Variants in PCBD2 observed in about 807,000 individuals in gnomAD.
The protein encoded by PCBD2 is pterin-4 alpha-carbinolamine dehydratase 2, also known as pterin-4-alpha-carbinolamine dehydratase 2.
Under a neutral mutation model 16.4 loss-of-function variants are expected in PCBD2, and 12 were observed. The ratio of observed to expected loss-of-function variants is 0.73; its 90% CI spans 0.47 to 1.19. The LOEUF (loss-of-function observed/expected upper bound fraction) is 1.19, where lower values mean the gene tolerates loss of function less well. Among genes scored for constraint, PCBD2 ranks in the 50% most tolerant of loss-of-function variants. PCBD2 has a pLI of 0.00. For missense variants in PCBD2, 138 were observed against 156.8 expected, an observed-to-expected ratio of 0.88 and a Z score of 0.64; for synonymous variants, 58 against 61.8, an observed-to-expected ratio of 0.94 and a Z score of 0.29.
rs749582692 is a variant in PCBD2 at position 134,960,693 on chromosome 5, A to G, written c.*12A>G. 2 of 1,579,900 alleles carry G rather than the reference A, an allele frequency of 1.3e-6. No homozygotes were observed. Among genetic ancestry groups the G allele is most frequent in the Non-Finnish European group, 1.7e-6 (2 of 1,150,130 alleles). ...CTGCTTCTGTGTGATTTCTTCCAAA[A>G]TACATGTAAAATCTTGTACACATCT... On this transcript the variant is annotated 3_prime_UTR_variant, in exon 4 of 4. Coordinates refer to ENST00000254908, the MANE Select transcript of PCBD2 (RefSeq NM_032151.5).
intron 2 of PCBD2, among the ~76,000 whole-genome samples, chr5:134,929,903 T>A (rs910727473): frequency 1.3e-5 from 2 of 152,164 alleles, no homozygotes; most frequent in Non-Finnish European, 2.9e-5. Flanking sequence ...CTATGTTGCC[T>A]AAGTTGGTCT....
intron 2 of PCBD2, among the ~76,000 whole-genome samples, chr5:134,919,108 A>G (rs1750870101): frequency 1.3e-5 from 2 of 152,218 alleles, no homozygotes; most frequent in Non-Finnish European, 2.9e-5. Flanking sequence ...GCTCTTAGTC[A>G]TGTAGTAAAT....
chr5:134,926,650 T>C (rs1751002098), intron 2 of PCBD2: 3 of 396,832 alleles, frequency 7.6e-6, no homozygotes, highest in Admixed American at 4.4e-5. Context: ...TTGGTTAAAC[T>C]ATATTTACAG....
chr5:134,943,619 C>T (rs773993801), intron 2 of PCBD2, among the ~76,000 whole-genome samples: 2 of 152,174 alleles, frequency 1.3e-5, no homozygotes, highest in Non-Finnish European at 2.9e-5. Flanking sequence ...ACAGAAATGT[C>T]ACTACTTGCT....
At chr5:134,947,965 A>G (rs930241456) in intron 2 of PCBD2, among the ~76,000 whole-genome samples, 6 of 151,836 alleles carry the variant, frequency 4.0e-5, no homozygotes, top group Non-Finnish European at 8.8e-5. Flanking sequence ...AGGGAAGAAA[A>G]CCTCCAACAG....
intron 2 of PCBD2, among the ~76,000 whole-genome samples, chr5:134,954,060 G>A (rs922842198): frequency 3.0e-4 from 45 of 152,086 alleles, no homozygotes; most frequent in African/African-American, 7.7e-4. Context: ...TGGGCTCGAC[G>A]GATCCCCCAA....
At chr5:134,933,954 A>G (rs974054758) in intron 2 of PCBD2, among the ~76,000 whole-genome samples, 1 of 152,224 alleles carries the variant, frequency 6.6e-6, no homozygotes, top group African/African-American at 2.4e-5. Flanking sequence ...AAATATTTTC[A>G]CAGAAATATT....
intron 2 of PCBD2, among the ~76,000 whole-genome samples, chr5:134,912,014 G>A (rs1276085180): frequency 1.3e-5 from 2 of 152,192 alleles, no homozygotes; most frequent in African/African-American, 2.4e-5. Context: ...TAAAGTACTC[G>A]AATGGTGTTG....
chr5:134,960,726 A>G lies in PCBD2; in HGVS notation c.*45A>G, dbSNP rs771856207. ...AAAATCTTGTACACATCTTAGCTGC[A>G]ATGTATGTTGAAGGAAATTTATGTG... On this transcript the variant is annotated 3_prime_UTR_variant, in exon 4 of 4. Coordinates refer to ENST00000254908, the MANE Select transcript of PCBD2 (RefSeq NM_032151.5). 35 of 1,431,166 alleles carry G rather than the reference A, an allele frequency of 2.4e-5. No homozygotes were observed. Among genetic ancestry groups the G allele is most frequent in the Non-Finnish European group, 3.1e-5 (32 of 1,020,840 alleles). 88.7% of individuals were successfully genotyped at this position (1,431,166 alleles called of 1,614,324 possible).
At position 134,914,395 on chromosome 5, in the gene PCBD2, C is replaced by G. The variant is rs551918105; in HGVS notation, c.216+3929C>G. On this transcript the variant is annotated intron_variant, in intron 2 of 3. Transcript: ENST00000254908. ...AAACGTGGCTGGTTGCTAAGCAGTT[C>G]TCAGTGTCACTACAGATTTGGGGTC... Among the ~76,000 whole-genome samples the G allele has an allele frequency of 1.8e-4, 28 of 152,198 alleles. No homozygotes were observed. In the South Asian group the frequency reaches 5.6e-3, roughly 30 times the overall value.
chr5:134,920,279 G>C (rs900066857), intron 2 of PCBD2, among the ~76,000 whole-genome samples: 12 of 152,180 alleles, frequency 7.9e-5, no homozygotes, highest in African/African-American at 2.9e-4. Flanking sequence ...GGAATTACTT[G>C]TGGTCATACT....
At chr5:134,915,175 C>T (rs1370071384) in intron 2 of PCBD2, among the ~76,000 whole-genome samples, 3 of 151,712 alleles carry the variant, frequency 2.0e-5, no homozygotes, top group South Asian at 2.1e-4. Flanking sequence ...ATTAACCAGG[C>T]GTGGTGGCGT....
In PCBD2 at chr5:134,910,464, C is replaced by T. The variant is rs990066027; in HGVS notation, c.214C>T (p.Gln72Ter). The change falls in exon 2 of 4, where the codon CAG (glutamine) becomes TAG (stop). Residue 72 changes from glutamine (Q) to a stop codon, truncating the protein, a stop_gained and splice_region_variant. Coordinates refer to ENST00000254908, the MANE Select transcript of PCBD2 (RefSeq NM_032151.5). LOFTEE classifies it high-confidence loss of function. Reference protein sequence around the residue: ...YKEFSFHNFNQAFGFMSRVAL... With the variant: ...YKEFSFHNFN Reference sequence around the variant, plus strand: ...AGAATTCTCCTTCCACAATTTTAATCAGGTAATTGTTATAAATTCTTGCTA... The same window carrying T: ...AGAATTCTCCTTCCACAATTTTAATTAGGTAATTGTTATAAATTCTTGCTA... The T allele has an allele frequency of 1.2e-6, 2 of 1,613,988 alleles. No individual in the cohort carries two copies. The highest frequency in any genetic ancestry group is 1.7e-6 in the Non-Finnish European group (2 of 1,179,860).
At chr5:134,932,157 T>G (rs1435801677) in intron 2 of PCBD2, among the ~76,000 whole-genome samples, 2 of 152,200 alleles carry the variant, frequency 1.3e-5, no homozygotes, top group Non-Finnish European at 2.9e-5. Context: ...AATTCTGAGT[T>G]TCTTTAAACA....
In PCBD2 at chr5:134,962,440, A is replaced by G. The variant is rs1751489231; in HGVS notation, c.*1759A>G. On this transcript the variant is annotated 3_prime_UTR_variant, in exon 4 of 4. Transcript: ENST00000254908. ...TATTTATTTTTAATAATTATACAAG[A>G]TGGAGTCTCACTATGTTGCCCAGGC... Among the ~76,000 whole-genome samples, 1 of 151,578 alleles carries G rather than the reference A, an allele frequency of 6.6e-6. No individual in the cohort carries two copies. Among genetic ancestry groups the G allele is most frequent in the African/African-American group, 2.4e-5 (1 of 41,240 alleles).
intron 2 of PCBD2, among the ~76,000 whole-genome samples, chr5:134,942,670 A>T (rs192608064): frequency 1.1e-4 from 17 of 152,310 alleles, no homozygotes; most frequent in African/African-American, 4.1e-4. Flanking sequence ...GTAATCAGAG[A>T]TATCCTGTTC....
At chr5:134,936,116 T>A (rs1751156314) in intron 2 of PCBD2, among the ~76,000 whole-genome samples, 1 of 152,252 alleles carries the variant, frequency 6.6e-6, no homozygotes, top group Non-Finnish European at 1.5e-5. Flanking sequence ...GAAAATACCA[T>A]TAATAACTGA....
At chr5:134,937,797 T>G (rs186742333) in intron 2 of PCBD2, among the ~76,000 whole-genome samples, 1 of 152,390 alleles carries the variant, frequency 6.6e-6, no homozygotes, top group African/African-American at 2.4e-5. Context: ...CAATCACATT[T>G]GTTAAAATGT....
intron 2 of PCBD2, among the ~76,000 whole-genome samples, chr5:134,944,545 A>T (rs924262723): frequency 1.3e-5 from 2 of 151,786 alleles, no homozygotes; most frequent in African/African-American, 4.8e-5. Context: ...AAAAAAAAAC[A>T]CAACAACCCA....
Sources: allele counts gnomAD v4.1 joint callset (sites outside exome capture counted in the v4.1 genomes callset), GRCh38; gene constraint gnomAD v4.1.1; transcripts MANE v1.5; gene names NCBI Gene and HGNC (gene_info 2026-07-23, HGNC 2026-07-21).